Variants in SUPT20H observed in about 807,000 individuals in gnomAD.
SUPT20H encodes transcription factor SPT20 homolog.
A neutral mutation model predicts 122.8 loss-of-function variants in SUPT20H; 82 were observed. The ratio of observed to expected loss-of-function variants is 0.67; its 90% confidence interval spans 0.56 to 0.80. The LOEUF (loss-of-function observed/expected upper bound fraction) is 0.80, where lower values mean the gene tolerates loss of function less well. SUPT20H is among the 30% of genes least tolerant of loss of function. The pLI is 0.00. For synonymous variants in SUPT20H, 291 were observed against 313.0 expected (o/e 0.93, Z 0.74); for missense variants, 831 against 921.6 (o/e 0.90, Z 1.27).
At chr13:37,056,882 T>C (rs2069186191) in intron 1 of SUPT20H, 1 of 152,192 alleles carries the variant, frequency 6.6e-6, no homozygotes, top group African/African-American at 2.4e-5. Context: ...ACCCACCTGC[T>C]TGAGACTGAT....
chr13:37,044,839 C>T (rs2066123663), intron 6 of SUPT20H, among the ~76,000 whole-genome samples: 1 of 152,126 alleles, frequency 6.6e-6, no homozygotes, highest in Non-Finnish European at 1.5e-5. Context: ...GTTCAAACTG[C>T]AGGACTACCT....
intron 2 of SUPT20H, among the ~76,000 whole-genome samples, chr13:37,051,272 A>AGATAGATGGAT (rs1316739952): frequency 6.6e-6 from 1 of 152,202 alleles, no homozygotes; most frequent in African/African-American, 2.4e-5. Flanking sequence ...ATACAAGCAC[A>AGATAGATGGAT]GATAGATGGA....
At chr13:37,029,743 G>C (rs1157792823) in intron 13 of SUPT20H, 22 bp downstream of exon 13, 2 of 1,588,284 alleles carry the variant, frequency 1.3e-6, no homozygotes, top group African/African-American at 2.7e-5. Context: ...ATTAGAAACA[G>C]AGACAGGCAA....
intron 9 of SUPT20H, among the ~76,000 whole-genome samples, chr13:37,035,563 C>A (rs2064206393): frequency 6.6e-6 from 1 of 151,824 alleles, no homozygotes; most frequent in African/African-American, 2.4e-5. Flanking sequence ...CTCTGTCGCC[C>A]AGGCTAGAGT....
intron 22 of SUPT20H, among the ~76,000 whole-genome samples, chr13:37,018,895 C>T (rs908378576): frequency 5.3e-5 from 8 of 152,134 alleles, no homozygotes; most frequent in African/African-American, 1.9e-4. Flanking sequence ...GCAATCCACC[C>T]ACCTGGGTCT....
intron 23 of SUPT20H, chr13:37,013,574 G>C (rs1002695100): frequency 6.6e-6 from 1 of 151,832 alleles, no homozygotes; most frequent in African/African-American, 2.4e-5. Flanking sequence ...CCTAGAGCTA[G>C]GTAAAGAGTT....
rs773325121 is a variant in SUPT20H at position 37,024,207 on chromosome 13, A to C, written c.1433-14T>G. 14 of 1,594,312 alleles carry C rather than the reference A, an allele frequency of 8.8e-6. No homozygotes were observed. The East Asian group carries it at 2.5e-4, about 28-fold the overall frequency. ...TAAAATAGTTACCTAGAAGAACATA[A>C]AAGTTATTTCCTAAATTTATAATTC... On this transcript the variant is annotated splice_polypyrimidine_tract_variant and intron_variant, in intron 18 of 25. Transcript: ENST00000350612.
chr13:37,029,713 G>A, intron 13 of SUPT20H, 52 bp downstream of exon 13: 5 of 1,495,140 alleles, frequency 3.3e-6, no homozygotes, highest in Non-Finnish European at 4.6e-6. Context: ...AAATTCAGAG[G>A]CCAGATTAGA....
intron 17 of SUPT20H, chr13:37,024,841 T>C (rs576142681): frequency 7.4e-4 from 124 of 167,728 alleles, no homozygotes; most frequent in African/African-American, 2.8e-3. Context: ...TTTCCTTTTA[T>C]CTTTGTGTAC....
intron 2 of SUPT20H, among the ~76,000 whole-genome samples, chr13:37,050,359 A>AC (rs1403513449): frequency 6.6e-6 from 1 of 150,922 alleles, no homozygotes; most frequent in East Asian, 1.9e-4. Flanking sequence ...AAAAAAAAAA[A>AC]AAAAAAAAAA....
intron 15 of SUPT20H, among the ~76,000 whole-genome samples, 173 bp from the exon 16 acceptor site, chr13:37,026,409 T>C (rs2062288358): frequency 6.6e-6 from 1 of 152,046 alleles, no homozygotes; most frequent in Non-Finnish European, 1.5e-5. Context: ...TATGAAACAA[T>C]GACTAAGTTT....
intron 13 of SUPT20H, among the ~76,000 whole-genome samples, chr13:37,029,488 C>T (rs1314185937): frequency 6.6e-6 from 1 of 151,854 alleles, no homozygotes; most frequent in East Asian, 1.9e-4. Flanking sequence ...GCCAAGATCC[C>T]ACCTCCAGCC....
intron 25 of SUPT20H, 97 bp from the exon 26 acceptor site, chr13:37,009,906 G>C: frequency 6.7e-7 from 1 of 1,495,086 alleles, no homozygotes; most frequent in Non-Finnish European, 8.9e-7. Flanking sequence ...CTGAAAAAGG[G>C]AGAAAGCACC....
intron 5 of SUPT20H, among the ~76,000 whole-genome samples, chr13:37,046,317 T>C (rs2066416476): frequency 6.6e-6 from 1 of 152,142 alleles, no homozygotes. Context: ...CCCTCATAAT[T>C]TGACTTAAGA....
At chr13:37,053,539 G>A (rs2068222963) in intron 1 of SUPT20H, among the ~76,000 whole-genome samples, 1 of 151,996 alleles carries the variant, frequency 6.6e-6, no homozygotes, top group South Asian at 2.1e-4. Flanking sequence ...TGGGGGAAAG[G>A]GGATGGAGAG....
At chr13:37,055,528 A>G (rs960511344) in intron 1 of SUPT20H, among the ~76,000 whole-genome samples, 3 of 152,218 alleles carry the variant, frequency 2.0e-5, no homozygotes, top group African/African-American at 7.2e-5. Flanking sequence ...AGGATTCCCT[A>G]TTTAATAAAT....
chr13:37,009,502 A>G lies in SUPT20H; in HGVS notation c.*170T>C. ...AGGCAAACCAACCCTAGTTTGTTAA[A>G]CCATTTCCCTGTTTTTATTTAAAAA... On this transcript the variant is annotated 3_prime_UTR_variant, in exon 26 of 26. Transcript: ENST00000350612. The G allele has an allele frequency of 1.1e-6, 1 of 933,718 alleles. No individual in the cohort carries two copies. Among genetic ancestry groups the G allele is most frequent in the Non-Finnish European group, 1.6e-6 (1 of 616,460 alleles). 57.8% of individuals were successfully genotyped at this position (933,718 alleles called of 1,614,324 possible).
rs774183082 is a variant in SUPT20H at position 37,028,239 on chromosome 13, T to TGGTC, written c.1056_1059dup (p.Ile354AspfsTer14). 1 of 1,613,680 alleles carries TGGTC rather than the reference T, an allele frequency of 6.2e-7. No homozygotes were observed. The highest frequency in any genetic ancestry group is 1.1e-5 in the South Asian group (1 of 91,038). On this transcript the variant is annotated frameshift_variant, in exon 14 of 26. Coordinates refer to ENST00000350612, the MANE Select transcript of SUPT20H (RefSeq NM_001014286.3). LOFTEE classifies it high-confidence loss of function. Reference sequence around the variant, plus strand: ...AGTGGATCTCCAAGCGACTGCAAGATGGTCAGCTTTGTTTTCTGATACTGA... The same window carrying TGGTC: ...AGTGGATCTCCAAGCGACTGCAAGATGGTCGGTCAGCTTTGTTTTCTGATACTGA...
At chr13:37,011,891 A>G (rs1206308286) in intron 24 of SUPT20H, among the ~76,000 whole-genome samples, 2 of 152,182 alleles carry the variant, frequency 1.3e-5, no homozygotes, top group African/African-American at 2.4e-5. Context: ...ATTAATTAAG[A>G]TAACTATTGG....
Sources: gnomAD v4.1 joint callset for allele counts (sites outside exome capture counted in the v4.1 genomes callset) on GRCh38, gnomAD v4.1.1 for gene constraint, MANE v1.5 for transcripts, NCBI Gene and HGNC (gene_info 2026-07-23, HGNC 2026-07-21) for gene names.